SULT1C2: variants seen among roughly 807,000 people sequenced by gnomAD.
SULT1C2 encodes the protein sulfotransferase 1C2.
In SULT1C2, 27 loss-of-function variants were observed where a neutral mutation model predicts 36.0. That is an observed-to-expected ratio of 0.75 (90% CI 0.55 to 1.03). The LOEUF (loss-of-function observed/expected upper bound fraction) is 1.03. Ranked by LOEUF, SULT1C2 falls within the 50% of genes least tolerant of loss-of-function variation. SULT1C2 has a pLI of 0.00. For synonymous variants in SULT1C2, 121 were observed against 116.0 expected (o/e 1.04, Z -0.27); for missense variants, 395 against 359.2 (o/e 1.10, Z -0.80).
intron 3 of SULT1C2, chr2:108,298,597 G>A (rs1676797284): frequency 6.5e-6 from 2 of 305,452 alleles, no homozygotes; most frequent in Non-Finnish European, 1.3e-5. Flanking sequence ...GCCCAGGCTG[G>A]TCTCAAACTC....
In SULT1C2 at chr2:108,304,590, G is replaced by A. The variant is rs139416622; in HGVS notation, c.392G>A (p.Arg131Gln). The change falls in exon 5 of 8, where the codon CGA (arginine) becomes CAA (glutamine). Residue 131 changes from arginine to glutamine, a missense_variant. Physicochemically the swap from Arg to Gln is conservative, Grantham distance 43 (BLOSUM62 1). Transcript: ENST00000251481. ...ACCCCAAAGTTCCTTTATGTAGCTC[G>A]AAATGCCAAAGACTGTATGGTTTCC... Reference protein sequence around the residue: ...ENNCKFLYVARNAKDCMVSYY... With the variant: ...ENNCKFLYVAQNAKDCMVSYY... 3.4e-5 allele frequency: 54 copies of A among 1,605,922 alleles called. No individual in the cohort carries two copies. Among genetic ancestry groups the A allele is most frequent in the African/African-American group, 1.6e-4 (12 of 74,454 alleles).
In SULT1C2 at chr2:108,308,377, C is replaced by A. The variant is rs369374661; in HGVS notation, c.804C>A (p.His268Gln). 6.2e-7 allele frequency: 1 copy of A among 1,612,324 alleles called. No homozygotes were observed. Reference sequence around the variant, plus strand: ...GAACTGTGGGGGATTGGAAAAACCACTTCACTGTTGCCCAGAATGAGAGGT... The same window carrying A: ...GAACTGTGGGGGATTGGAAAAACCAATTCACTGTTGCCCAGAATGAGAGGT... ...RKGTVGDWKN[H>Q]FTVAQNERFD... Residue 268 changes from histidine (H) to glutamine (Q), a missense_variant, in exon 8 of 8, where the codon CAC becomes CAA. Physicochemically the swap from His to Gln is conservative, Grantham distance 24 (BLOSUM62 0). Coordinates refer to ENST00000251481, the MANE Select transcript of SULT1C2 (RefSeq NM_001056.4).
chr2:108,301,034 C>G, intron 4 of SULT1C2, 99 bp downstream of exon 4: 2 of 1,443,182 alleles, frequency 1.4e-6, no homozygotes, highest in Non-Finnish European at 1.9e-6. Context: ...ACCTTTGCCT[C>G]TCCACTGTCT....
At chr2:108,295,811 A>G (rs1249134208) in intron 3 of SULT1C2, among the ~76,000 whole-genome samples, 4 of 152,102 alleles carry the variant, frequency 2.6e-5, no homozygotes, top group African/African-American at 9.7e-5. Flanking sequence ...TTGTTTATTT[A>G]AAGATGGAGG....
At chr2:108,299,842 T>C (rs1676828730) in intron 3 of SULT1C2, 1 of 152,228 alleles carries the variant, frequency 6.6e-6, no homozygotes, top group East Asian at 1.9e-4. Context: ...TGTCCACCAA[T>C]GGCTGAATTG....
chr2:108,301,160 A>G, intron 4 of SULT1C2: 1 of 554,794 alleles, frequency 1.8e-6, no homozygotes, highest in Non-Finnish European at 3.1e-6. Flanking sequence ...GGAGGGAACT[A>G]GAGACATGGG....
intron 7 of SULT1C2, 45 bp downstream of exon 7, chr2:108,305,640 T>A (rs1258234249): frequency 6.2e-7 from 1 of 1,607,442 alleles, no homozygotes; most frequent in Admixed American, 1.7e-5. Flanking sequence ...TCTCGTAACA[T>A]CCTGTCTGCC....
At chr2:108,306,417 C>T (rs1411453003) in intron 7 of SULT1C2, among the ~76,000 whole-genome samples, 2 of 147,094 alleles carry the variant, frequency 1.4e-5, no homozygotes, top group African/African-American at 2.6e-5. Context: ...CTAGACTGGG[C>T]AACACAGCAA....
intron 3 of SULT1C2, among the ~76,000 whole-genome samples, chr2:108,295,154 G>A (rs1220571548): frequency 6.6e-6 from 1 of 152,204 alleles, no homozygotes; most frequent in Non-Finnish European, 1.5e-5. Context: ...GAAATTCCCT[G>A]ATCTGATGCA....
chr2:108,293,848 A>C (rs375249929), intron 2 of SULT1C2, 30 bp downstream of exon 2: 1 of 1,606,864 alleles, frequency 6.2e-7, no homozygotes, highest in Non-Finnish European at 8.5e-7. Context: ...GACAGCAAAG[A>C]CCTGCTGAGC....
intron 1 of SULT1C2, among the ~76,000 whole-genome samples, chr2:108,291,011 G>T (rs187052840): frequency 4.0e-4 from 61 of 152,264 alleles, no homozygotes; most frequent in African/African-American, 1.4e-3. Context: ...GTCCAAACAG[G>T]TGTCTCTGGG....
chr2:108,303,333 A>G (rs1371184268), intron 4 of SULT1C2: 1 of 152,778 alleles, frequency 6.5e-6, no homozygotes, highest in Non-Finnish European at 1.5e-5. Context: ...CAGGGAAGCA[A>G]TGGGATAGGT....
chr2:108,290,674 A>C (rs970400360), intron 1 of SULT1C2, among the ~76,000 whole-genome samples: 1 of 152,142 alleles, frequency 6.6e-6, no homozygotes, highest in Non-Finnish European at 1.5e-5. Context: ...AAAGGGACCA[A>C]ACTCACCCAC....
At chr2:108,297,083 G>A (rs1676750075) in intron 3 of SULT1C2, among the ~76,000 whole-genome samples, 1 of 152,224 alleles carries the variant, frequency 6.6e-6, no homozygotes, top group Non-Finnish European at 1.5e-5. Flanking sequence ...ATGTGTGTGT[G>A]TGAACTGTAT....
At chr2:108,306,326 C>T (rs1486124131) in intron 7 of SULT1C2, among the ~76,000 whole-genome samples, 1 of 152,172 alleles carries the variant, frequency 6.6e-6, no homozygotes, top group Non-Finnish European at 1.5e-5. Flanking sequence ...TTAAATTGGG[C>T]TGGGCAGATT....
chr2:108,306,304 C>T (rs1677023674), intron 7 of SULT1C2, among the ~76,000 whole-genome samples: 1 of 152,198 alleles, frequency 6.6e-6, no homozygotes, highest in South Asian at 2.1e-4. Flanking sequence ...CAAAACATGT[C>T]ATTGTTAAAT....
intron 1 of SULT1C2, among the ~76,000 whole-genome samples, chr2:108,291,748 A>T (rs939349916): frequency 6.6e-6 from 1 of 152,208 alleles, no homozygotes; most frequent in Non-Finnish European, 1.5e-5. Flanking sequence ...CCTTCCTAAT[A>T]AAATTGTCAT....
Position 108,293,697 on chromosome 2 carries a change from G to C in SULT1C2, c.30G>C (p.Gln10His). The C allele has an allele frequency of 6.2e-7, 1 of 1,614,080 alleles. No individual in the cohort carries two copies. Among genetic ancestry groups the C allele is most frequent in the East Asian group, 2.2e-5 (1 of 44,876 alleles). The part of the protein sequence containing the change: MALTSDLGK[Q>H]IKLKEVEGTL... The stretch of plus-strand genomic sequence containing the variant: ...CCCTGACCTCAGACCTGGGGAAACA[G>C]ATAAAACTGAAAGAGGTGGAGGGGA... The change falls in exon 2 of 8, where the codon CAG (glutamine) becomes CAC (histidine). Residue 10 changes from glutamine (Q) to histidine (H), a missense_variant. By Grantham distance (24) the Gln-to-His change is conservative. Transcript: ENST00000251481.
intron 7 of SULT1C2, among the ~76,000 whole-genome samples, chr2:108,306,862 T>C (rs59897150): frequency 0.045 from 6,855 of 152,226 alleles, 162 homozygotes; most frequent in East Asian, 0.093. Flanking sequence ...GCCAAGATCA[T>C]GCCACTGTAC....
Sources: allele counts gnomAD v4.1 joint callset (sites outside exome capture counted in the v4.1 genomes callset), GRCh38; gene constraint gnomAD v4.1.1; transcripts MANE v1.5; gene names NCBI Gene and HGNC (gene_info 2026-07-23, HGNC 2026-07-21).